Variants in DPP10 observed in about 807,000 individuals in gnomAD.
DPP10 encodes inactive dipeptidyl peptidase 10.
A neutral mutation model predicts 120.9 loss-of-function variants in DPP10; 33 were observed. The ratio of observed to expected loss-of-function variants is 0.27; its 90% CI spans 0.21 to 0.37. The LOEUF (loss-of-function observed/expected upper bound fraction) is 0.37. Ranked by LOEUF, DPP10 falls within the 10% of genes least tolerant of loss-of-function variation. The pLI, the probability that DPP10 is intolerant of heterozygous loss-of-function variation, is 1.00. For synonymous variants in DPP10, 337 were observed against 326.1 expected (o/e 1.03, Z -0.36); for missense variants, 816 against 942.8 (o/e 0.87, Z 1.76).
chr2:115,715,886 G>T lies in DPP10; in HGVS notation c.577-11930G>T, dbSNP rs567377261. Among the ~76,000 whole-genome samples the T allele has an allele frequency of 4.6e-5, 7 of 152,222 alleles. No homozygotes were observed. The South Asian group carries it at 8.3e-4, about 18-fold the overall frequency. ...TTTGACAAAAATGCTATTTTTCCAGGAAGTCTACCTAGCTGTTCTGACCAA... is the reference window on the plus strand; with the variant it reads ...TTTGACAAAAATGCTATTTTTCCAGTAAGTCTACCTAGCTGTTCTGACCAA... On this transcript the variant is annotated intron_variant, in intron 7 of 25. Coordinates refer to ENST00000410059, the MANE Select transcript of DPP10 (RefSeq NM_020868.6).
intron 2 of DPP10, among the ~76,000 whole-genome samples, chr2:115,324,606 G>A (rs2062246287): frequency 6.6e-6 from 1 of 152,130 alleles, no homozygotes; most frequent in Admixed American, 6.6e-5. Context: ...GGTGTGGCTA[G>A]TTTGATCTTC....
chr2:114,523,799 T>G (rs1448922604), intron 1 of DPP10, among the ~76,000 whole-genome samples: 1 of 152,044 alleles, frequency 6.6e-6, no homozygotes, highest in African/African-American at 2.4e-5. Context: ...AAATTATCCC[T>G]CTCTCCCCTC....
intron 2 of DPP10, among the ~76,000 whole-genome samples, chr2:115,330,100 T>C (rs1377646635): frequency 6.6e-6 from 1 of 152,062 alleles, no homozygotes; most frequent in Non-Finnish European, 1.5e-5. Flanking sequence ...CCAGCACCTG[T>C]TGTTTCCTGA....
intron 1 of DPP10, among the ~76,000 whole-genome samples, chr2:114,991,399 G>A (rs1700747567): frequency 6.6e-6 from 1 of 152,144 alleles, no homozygotes; most frequent in African/African-American, 2.4e-5. Context: ...ATTGTTCACA[G>A]GTTTTTACCT....
intron 3 of DPP10, among the ~76,000 whole-genome samples, chr2:115,378,147 A>G (rs1210954526): frequency 1.3e-5 from 2 of 152,138 alleles, no homozygotes; most frequent in African/African-American, 4.8e-5. Flanking sequence ...CTTGGGCAGT[A>G]TGGCCATTTT....
chr2:115,693,533 G>C (rs1334816724), intron 7 of DPP10, among the ~76,000 whole-genome samples: 1 of 151,956 alleles, frequency 6.6e-6, no homozygotes, highest in African/African-American at 2.4e-5. Flanking sequence ...TTTACACTTT[G>C]GTTGGTTTTA....
At chr2:114,768,707 C>G (rs1375278123) in intron 1 of DPP10, among the ~76,000 whole-genome samples, 1 of 152,158 alleles carries the variant, frequency 6.6e-6, no homozygotes, top group Non-Finnish European at 1.5e-5. Flanking sequence ...CTGCCTACCA[C>G]AGGGCCACCT....
chr2:114,757,740 G>A (rs973321045), intron 1 of DPP10, among the ~76,000 whole-genome samples: 4 of 152,144 alleles, frequency 2.6e-5, no homozygotes, highest in African/African-American at 9.7e-5. Context: ...ACCTGCCCCA[G>A]ACCTACCACA....
At chr2:114,522,224 T>C (rs1685129527) in intron 1 of DPP10, among the ~76,000 whole-genome samples, 1 of 151,768 alleles carries the variant, frequency 6.6e-6, no homozygotes, top group Non-Finnish European at 1.5e-5. Flanking sequence ...GACCTCATGA[T>C]CCGCCCGCCT....
chr2:115,663,372 A>G (rs193239912), intron 5 of DPP10, among the ~76,000 whole-genome samples: 206 of 152,308 alleles, frequency 1.4e-3, no homozygotes, highest in Middle Eastern at 3.4e-3. Flanking sequence ...TGCCTAATGC[A>G]TATGCATTCC....
intron 1 of DPP10, among the ~76,000 whole-genome samples, chr2:115,272,938 G>T (rs879770607): frequency 8.5e-5 from 13 of 152,206 alleles, no homozygotes; most frequent in South Asian, 6.2e-4. Flanking sequence ...TCAATCAGAT[G>T]TGAAGAGTGG....
intron 1 of DPP10, among the ~76,000 whole-genome samples, chr2:114,501,896 A>T (rs1683214902): frequency 6.7e-6 from 1 of 149,828 alleles, no homozygotes; most frequent in African/African-American, 2.5e-5. Context: ...TAAAGTGAGG[A>T]TACGATTTAT....
intron 3 of DPP10, among the ~76,000 whole-genome samples, chr2:115,490,554 C>G (rs962025708): frequency 6.6e-6 from 1 of 152,184 alleles, no homozygotes; most frequent in Non-Finnish European, 1.5e-5. Flanking sequence ...TAACCCAACT[C>G]CCTTCAGCAT....
chr2:114,501,933 CTTTTTT>C (rs34369425), intron 1 of DPP10, among the ~76,000 whole-genome samples: 2 of 94,026 alleles, frequency 2.1e-5, no homozygotes, highest in African/African-American at 3.7e-5. Context: ...ATTGATATTC[CTTTTTT>C]TTTTTTTTTT....
intron 5 of DPP10, among the ~76,000 whole-genome samples, chr2:115,592,588 AC>A (rs1218801406): frequency 4.7e-4 from 3 of 6,392 alleles, no homozygotes; most frequent in South Asian, 0.021. Flanking sequence ...AACAAAAAAA[AC>A]AAAAAAAAAA....
chr2:115,274,861 G>A (rs774850309), intron 1 of DPP10, among the ~76,000 whole-genome samples: 13 of 152,110 alleles, frequency 8.5e-5, no homozygotes, highest in Admixed American at 2.6e-4. Context: ...CTCGTTAAGC[G>A]TAATATTATG....
At chr2:115,458,767 G>A (rs962288894) in intron 3 of DPP10, among the ~76,000 whole-genome samples, 1 of 151,966 alleles carries the variant, frequency 6.6e-6, no homozygotes, top group African/African-American at 2.4e-5. Flanking sequence ...AAATAAAACA[G>A]GTGCATTTGT....
chr2:115,777,277 T>C lies in DPP10; in HGVS notation c.1291T>C (p.Tyr431His), dbSNP rs755987056. ...CTGGGAAGTGATAAAGATCTTGGCA[T>C]ACGATGAAACTACTCAAAAAATGTG... ...GNWEVIKILA[Y>H]DETTQKIYFL... is the part of the protein sequence containing the mutation. Residue 431 changes from tyrosine (Y) to histidine (H), a missense_variant, in exon 14 of 26, where the codon TAC becomes CAC. Transcript: ENST00000410059. 1 of 1,613,092 alleles carries C rather than the reference T, an allele frequency of 6.2e-7. No homozygotes were observed. The highest frequency in any genetic ancestry group is 1.1e-5 in the South Asian group (1 of 91,062).
chr2:115,221,260 G>A (rs930374388), intron 1 of DPP10, among the ~76,000 whole-genome samples: 2 of 152,076 alleles, frequency 1.3e-5, no homozygotes, highest in African/African-American at 4.8e-5. Flanking sequence ...ACTAAATCTA[G>A]GTGTACTTTA....
Sources: allele counts gnomAD v4.1 joint callset (sites outside exome capture counted in the v4.1 genomes callset), GRCh38; gene constraint gnomAD v4.1.1; transcripts MANE v1.5; gene names NCBI Gene and HGNC (gene_info 2026-07-23, HGNC 2026-07-21).